The following CBFA2T2 variants were observed in gnomAD, a reference collection of about 807,000 sequenced individuals.
CBFA2T2 encodes the protein protein CBFA2T2.
CBFA2T2 carries 11 observed loss-of-function variants against 62.2 expected under a neutral mutation model. That is an observed-to-expected ratio of 0.18 (90% CI 0.11 to 0.29). The LOEUF is 0.29. Among genes scored for constraint, CBFA2T2 ranks in the 10% least tolerant of loss-of-function variants. The probability of loss-of-function intolerance (pLI) is 1.00; values close to 1 mark genes in which losing one functional copy is unlikely to be tolerated. For synonymous variants in CBFA2T2, 295 were observed against 287.5 expected (o/e 1.03, Z -0.27); for missense variants, 592 against 774.1 (o/e 0.76, Z 2.79).
At chr20:33,629,522 G>A (rs1198517159) in intron 7 of CBFA2T2, among the ~76,000 whole-genome samples, 197 bp from the exon 8 acceptor site, 1 of 152,152 alleles carries the variant, frequency 6.6e-6, no homozygotes, top group Non-Finnish European at 1.5e-5. Context: ...TCCTCTTTAG[G>A]TATGTCAGCC....
chr20:33,560,388 G>A (rs372235491), intron 1 of CBFA2T2, among the ~76,000 whole-genome samples: 1 of 152,170 alleles, frequency 6.6e-6, no homozygotes, highest in East Asian at 1.9e-4. Flanking sequence ...TAGCTATGTG[G>A]CATTAACTTG....
At chr20:33,563,522 C>T (rs2013167727) in intron 1 of CBFA2T2, among the ~76,000 whole-genome samples, 1 of 152,028 alleles carries the variant, frequency 6.6e-6, no homozygotes, top group Admixed American at 6.6e-5. Flanking sequence ...TTTACTGTTT[C>T]CATACATTGT....
At chr20:33,623,339 A>C (rs1008063428) in intron 5 of CBFA2T2, 43 bp downstream of exon 5, 1 of 1,600,202 alleles carries the variant, frequency 6.2e-7, no homozygotes, top group Non-Finnish European at 8.6e-7. Context: ...CTGGAACCGC[A>C]CTGGTCCTCC....
At chr20:33,505,707 G>T (rs534215253) in intron 1 of CBFA2T2, among the ~76,000 whole-genome samples, 1 of 152,158 alleles carries the variant, frequency 6.6e-6, no homozygotes, top group African/African-American at 2.4e-5. Flanking sequence ...CTTGAACCTG[G>T]GAGGCGGAGG....
At chr20:33,529,743 TTA>T (rs139769122) in intron 1 of CBFA2T2, among the ~76,000 whole-genome samples, 46 of 4,030 alleles carry the variant, frequency 0.011, 1 homozygote, top group African/African-American at 0.013. Flanking sequence ...AAGAAAGCAG[TTA>T]TATATATATA....
At chr20:33,509,182 C>T (rs2011459745) in intron 1 of CBFA2T2, among the ~76,000 whole-genome samples, 1 of 150,184 alleles carries the variant, frequency 6.7e-6, no homozygotes, top group Admixed American at 6.6e-5. Context: ...GCCTGGCCAA[C>T]ATGGTGAAAT....
intron 1 of CBFA2T2, among the ~76,000 whole-genome samples, chr20:33,575,857 A>G (rs2013799001): frequency 6.6e-6 from 1 of 151,994 alleles, no homozygotes; most frequent in South Asian, 2.1e-4. Flanking sequence ...AGCTCACTGC[A>G]AGCTCCACCT....
rs1332368102 is a variant in CBFA2T2 at position 33,490,307 on chromosome 20, T to G, written c.34+6T>G. 3 of 1,282,252 alleles carry G rather than the reference T, an allele frequency of 2.3e-6. No individual in the cohort carries two copies. Among genetic ancestry groups the G allele is most frequent in the Non-Finnish European group, 9.8e-7 (1 of 1,015,558 alleles). 79.4% of individuals were successfully genotyped at this position (1,282,252 alleles called of 1,614,324 possible). On this transcript the variant is annotated splice_donor_region_variant and intron_variant, in intron 1 of 10. Transcript: ENST00000342704. ...TGGAGCGGCCGCCTTCCAGCGTAAG[T>G]GGGGCGTGAATGCGGGCGGCCGAGG...
intron 1 of CBFA2T2, among the ~76,000 whole-genome samples, chr20:33,596,510 C>T (rs2014897277): frequency 6.6e-6 from 1 of 152,168 alleles, no homozygotes; most frequent in South Asian, 2.1e-4. Context: ...AGATTATACT[C>T]TTTACTTGGC....
At chr20:33,526,229 C>T (rs2011882387) in intron 1 of CBFA2T2, among the ~76,000 whole-genome samples, 1 of 152,190 alleles carries the variant, frequency 6.6e-6, no homozygotes, top group Non-Finnish European at 1.5e-5. Context: ...TATAATTCAT[C>T]TGTGTAACCC....
chr20:33,642,114 TTTTGTGTGTGTGTG>T (rs1418985623), intron 10 of CBFA2T2, among the ~76,000 whole-genome samples: 684 of 62,864 alleles, frequency 0.011, 3 homozygotes, highest in South Asian at 0.046. Flanking sequence ...TCTTTTTTTT[TTTTGTGTGTGTGTG>T]TGTGTGTGTG....
chr20:33,636,798 C>T, intron 9 of CBFA2T2, 90 bp downstream of exon 9: 1 of 950,324 alleles, frequency 1.1e-6, no homozygotes, highest in Non-Finnish European at 1.7e-6. Context: ...GTAACTGGGT[C>T]CTTTGGTTGT....
intron 1 of CBFA2T2, among the ~76,000 whole-genome samples, chr20:33,521,715 C>T (rs1213081271): frequency 6.6e-6 from 1 of 152,098 alleles, no homozygotes; most frequent in Non-Finnish European, 1.5e-5. Flanking sequence ...TTTTCCAGCT[C>T]TCTCCAGTCA....
chr20:33,650,008 G>A lies in CBFA2T2; in HGVS notation c.*5362G>A, dbSNP rs995483197. On this transcript the variant is annotated 3_prime_UTR_variant, in exon 11 of 11. Coordinates refer to ENST00000342704, the MANE Select transcript of CBFA2T2 (RefSeq NM_001032999.3). ...TATTTAGTTTGTTCTACTTAAAGTA[G>A]TCAATAAAAAGGCTATATTCCTTTT... The A allele has an allele frequency of 2.6e-5, 4 of 152,594 alleles. No individual in the cohort carries two copies. The highest frequency in any genetic ancestry group is 5.9e-5 in the Non-Finnish European group (4 of 68,034). 9.5% of individuals were successfully genotyped at this position (152,594 alleles called of 1,614,324 possible).
At chr20:33,604,295 G>A (rs1272802132) in intron 1 of CBFA2T2, among the ~76,000 whole-genome samples, 1 of 152,168 alleles carries the variant, frequency 6.6e-6, no homozygotes, top group Non-Finnish European at 1.5e-5. Flanking sequence ...ATACCTTGCA[G>A]TGATTTAGGC....
intron 5 of CBFA2T2, 21 bp downstream of exon 5, chr20:33,623,317 G>C (rs776972051): frequency 6.2e-7 from 1 of 1,613,602 alleles, no homozygotes; most frequent in Non-Finnish European, 8.5e-7. Flanking sequence ...GAGCTTTGCT[G>C]TCCTTGCCTT....
chr20:33,492,999 C>T (rs1395915995), intron 1 of CBFA2T2, among the ~76,000 whole-genome samples: 1 of 151,238 alleles, frequency 6.6e-6, no homozygotes, highest in African/African-American at 2.4e-5. Context: ...GTGATCTGCC[C>T]GCCTCAGCCT....
intron 1 of CBFA2T2, among the ~76,000 whole-genome samples, chr20:33,550,549 G>A (rs927021977): frequency 6.6e-6 from 1 of 152,160 alleles, no homozygotes; most frequent in Non-Finnish European, 1.5e-5. Flanking sequence ...CCTGTCCTCA[G>A]AGAACAGTAA....
intron 1 of CBFA2T2, among the ~76,000 whole-genome samples, chr20:33,491,414 A>T (rs942909224): frequency 2.6e-5 from 4 of 152,136 alleles, no homozygotes; most frequent in Non-Finnish European, 4.4e-5. Flanking sequence ...CATCCTAAGT[A>T]AGACATTATT....
Sources: gnomAD v4.1 joint callset for allele counts (sites outside exome capture counted in the v4.1 genomes callset) on GRCh38, gnomAD v4.1.1 for gene constraint, MANE v1.5 for transcripts, NCBI Gene and HGNC (gene_info 2026-07-23, HGNC 2026-07-21) for gene names.